The following SUMF1 variants were observed in gnomAD, a reference collection of about 807,000 sequenced individuals.
SUMF1 encodes the protein formylglycine-generating enzyme.
A neutral mutation model predicts 47.6 loss-of-function variants in SUMF1; 48 were observed. That is an observed-to-expected ratio of 1.01 (90% CI 0.80 to 1.28). The LOEUF (loss-of-function observed/expected upper bound fraction) is 1.28, where lower values mean the gene tolerates loss of function less well. SUMF1 is among the 50% of genes most tolerant of loss of function. The pLI, the probability that SUMF1 is intolerant of heterozygous loss-of-function variation, is 0.00. For synonymous variants in SUMF1, 230 were observed against 192.1 expected (o/e 1.20, Z -1.63); for missense variants, 571 against 485.4 (o/e 1.18, Z -1.66).
chr3:4,342,062 G>C (rs1699283315), intron 8 of SUMF1, among the ~76,000 whole-genome samples: 1 of 152,122 alleles, frequency 6.6e-6, no homozygotes, highest in African/African-American at 2.4e-5. Flanking sequence ...AAACCCACAG[G>C]TTCCAACAAA....
intron 7 of SUMF1, among the ~76,000 whole-genome samples, chr3:4,378,812 C>G (rs1053663737): frequency 5.3e-5 from 8 of 152,206 alleles, no homozygotes; most frequent in Non-Finnish European, 1.2e-4. Flanking sequence ...TACAATGTAT[C>G]AAATTGTGAT....
intron 8 of SUMF1, among the ~76,000 whole-genome samples, chr3:4,156,496 T>C (rs548474781): frequency 6.6e-6 from 1 of 151,640 alleles, no homozygotes; most frequent in Non-Finnish European, 1.5e-5. Context: ...CCTACACAAC[T>C]GGAACAGAAA....
At chr3:4,374,691 C>G (rs1036513868) in intron 8 of SUMF1, among the ~76,000 whole-genome samples, 1 of 152,062 alleles carries the variant, frequency 6.6e-6, no homozygotes, top group Admixed American at 6.5e-5. Flanking sequence ...TACTACTGTA[C>G]AAAGAGAGAT....
At chr3:4,378,758 A>G (rs1700406624) in intron 7 of SUMF1, among the ~76,000 whole-genome samples, 1 of 152,210 alleles carries the variant, frequency 6.6e-6, no homozygotes, top group South Asian at 2.1e-4. Context: ...TCGCTTAACA[A>G]TTCTTGCATT....
intron 8 of SUMF1, among the ~76,000 whole-genome samples, chr3:4,149,488 A>C (rs973177): frequency 0.31 from 46,449 of 151,910 alleles, 7,433 homozygotes; most frequent in East Asian, 0.39. Flanking sequence ...ATGGTCACTG[A>C]GCCAACATAA....
chr3:4,460,462 C>T (rs2079780660), intron 1 of SUMF1, among the ~76,000 whole-genome samples: 3 of 151,994 alleles, frequency 2.0e-5, no homozygotes, highest in Admixed American at 2.0e-4. Context: ...CTCACACTCT[C>T]TCTTGCCCTG....
At chr3:4,401,425 G>C (rs1016041836) in intron 7 of SUMF1, among the ~76,000 whole-genome samples, 1 of 151,998 alleles carries the variant, frequency 6.6e-6, no homozygotes. Context: ...GTTTACACTC[G>C]GTGGAAATCA....
At chr3:4,102,662 G>A (rs1268346332) in intron 8 of SUMF1, among the ~76,000 whole-genome samples, 2 of 152,030 alleles carry the variant, frequency 1.3e-5, no homozygotes, top group African/African-American at 2.4e-5. Context: ...ATTATATATG[G>A]AATAATTATG....
intron 7 of SUMF1, among the ~76,000 whole-genome samples, chr3:4,406,720 C>A (rs763970911): frequency 1.3e-5 from 2 of 152,044 alleles, no homozygotes; most frequent in Non-Finnish European, 2.9e-5. Context: ...AAAGAAGCCA[C>A]CTAAATGCAA....
intron 8 of SUMF1, among the ~76,000 whole-genome samples, chr3:4,145,441 A>C (rs1200684311): frequency 1.3e-5 from 2 of 152,060 alleles, no homozygotes; most frequent in African/African-American, 4.8e-5. Flanking sequence ...ATTTGTTAAT[A>C]CTCTGCTAAA....
At position 4,336,488 on chromosome 3, in the gene SUMF1, A is replaced by G. The variant is rs373055674; in HGVS notation, c.1014+39842T>C. 4.7e-4 allele frequency among the ~76,000 whole-genome samples: 72 copies of G among 152,312 alleles called. 1 individual carries two copies. Among genetic ancestry groups the G allele is most frequent in the African/African-American group, 1.7e-3 (69 of 41,570 alleles). On this transcript the variant is annotated intron_variant and NMD_transcript_variant, in intron 8 of 12. Transcript: ENST00000448413. ...ACGGGTTGTGAAATTACAGTTATCT[A>G]TTTGGGTACAAAAGGAAAAAAGTAT...
chr3:4,412,613 G>A (rs1293831037), intron 6 of SUMF1, among the ~76,000 whole-genome samples: 9 of 152,312 alleles, frequency 5.9e-5, no homozygotes, highest in East Asian at 1.9e-4. Flanking sequence ...GCCAGGTGCC[G>A]TGGCTCATGC....
chr3:4,060,720 G>T (rs931033337), intron 9 of SUMF1, among the ~76,000 whole-genome samples: 2 of 152,110 alleles, frequency 1.3e-5, no homozygotes, highest in African/African-American at 4.8e-5. Context: ...TGTTTTTTCA[G>T]AATCTTTTGA....
intron 8 of SUMF1, among the ~76,000 whole-genome samples, chr3:4,366,762 A>G (rs1007250657): frequency 1.3e-5 from 2 of 151,750 alleles, no homozygotes; most frequent in Admixed American, 6.6e-5. Flanking sequence ...CTGGTGAGGA[A>G]CTGCGTTCCT....
chr3:4,081,261 C>T (rs1692554324), intron 8 of SUMF1, among the ~76,000 whole-genome samples: 1 of 152,104 alleles, frequency 6.6e-6, no homozygotes, highest in African/African-American at 2.4e-5. Flanking sequence ...TTCTAAACCT[C>T]AGAGCACTAC....
intron 8 of SUMF1, among the ~76,000 whole-genome samples, chr3:4,287,965 ACTTCT>A (rs1697667675): frequency 6.6e-6 from 1 of 152,182 alleles, no homozygotes; most frequent in Non-Finnish European, 1.5e-5. Context: ...TGACATCCAT[ACTTCT>A]CTTCTGCTCA....
intron 9 of SUMF1, among the ~76,000 whole-genome samples, chr3:4,056,845 C>T (rs1695200512): frequency 6.6e-6 from 1 of 152,078 alleles, no homozygotes; most frequent in Non-Finnish European, 1.5e-5. Flanking sequence ...AGGTTCACGC[C>T]ATTCTCCTGC....
intron 7 of SUMF1, among the ~76,000 whole-genome samples, chr3:4,385,905 CT>C (rs1284094802): frequency 1.3e-5 from 2 of 152,098 alleles, no homozygotes; most frequent in African/African-American, 4.8e-5. Flanking sequence ...CATTAAATTG[CT>C]TTGGCAACTT....
At chr3:4,237,274 T>G (rs1400315945) in intron 8 of SUMF1, among the ~76,000 whole-genome samples, 4 of 152,136 alleles carry the variant, frequency 2.6e-5, no homozygotes, top group African/African-American at 7.2e-5. Context: ...TGTTGCTCCA[T>G]GTACTCACCA....
Sources: gnomAD v4.1 joint callset for allele counts (sites outside exome capture counted in the v4.1 genomes callset) on GRCh38, gnomAD v4.1.1 for gene constraint, MANE v1.5 for transcripts, NCBI Gene and HGNC (gene_info 2026-07-23, HGNC 2026-07-21) for gene names.